The following LYPD6 variants were observed in gnomAD, a reference collection of about 807,000 sequenced individuals.
LYPD6 encodes the protein ly6/PLAUR domain-containing protein 6.
In LYPD6, 15 loss-of-function variants were observed where a neutral mutation model predicts 22.7. The ratio of observed to expected loss-of-function variants is 0.66; its 90% CI spans 0.44 to 1.02. LYPD6 has a LOEUF of 1.02. Among genes scored for constraint, LYPD6 ranks in the 50% least tolerant of loss-of-function variants. The pLI, the probability that LYPD6 is intolerant of heterozygous loss-of-function variation, is 0.00. For synonymous variants in LYPD6, 72 were observed against 77.5 expected (o/e 0.93, Z 0.37); for missense variants, 189 against 208.4 (o/e 0.91, Z 0.57).
intron 1 of LYPD6, among the ~76,000 whole-genome samples, chr2:149,331,321 CT>C (rs1173661717): frequency 6.6e-6 from 1 of 152,236 alleles, no homozygotes; most frequent in Non-Finnish European, 1.5e-5. Flanking sequence ...CTGGGCTTGA[CT>C]TGGCGACCTG....
chr2:149,381,914 A>G (rs547913350), intron 1 of LYPD6, among the ~76,000 whole-genome samples: 2 of 152,292 alleles, frequency 1.3e-5, no homozygotes, highest in East Asian at 3.9e-4. Context: ...TTAATTCGTG[A>G]TGATTTCCAG....
intron 2 of LYPD6, among the ~76,000 whole-genome samples, chr2:149,441,580 A>T (rs1373085537): frequency 6.6e-6 from 1 of 152,224 alleles, no homozygotes; most frequent in Non-Finnish European, 1.5e-5. Flanking sequence ...TGGCTTTCAA[A>T]CCTGAAGCAC....
chr2:149,469,408 C>G (rs544305380), intron 4 of LYPD6, among the ~76,000 whole-genome samples: 2 of 152,254 alleles, frequency 1.3e-5, no homozygotes, highest in East Asian at 3.9e-4. Flanking sequence ...CAGCCTTGCC[C>G]TCTATACGTG....
chr2:149,403,912 A>C (rs1682625877), intron 1 of LYPD6, among the ~76,000 whole-genome samples: 1 of 152,140 alleles, frequency 6.6e-6, no homozygotes, highest in Non-Finnish European at 1.5e-5. Context: ...TTTTTGTATA[A>C]AGTGTAAGGA....
chr2:149,408,763 G>A (rs946753642), intron 1 of LYPD6, among the ~76,000 whole-genome samples: 3 of 152,088 alleles, frequency 2.0e-5, no homozygotes, highest in Admixed American at 2.0e-4. Flanking sequence ...AGGTGTGATT[G>A]TTTTTTATTT....
intron 3 of LYPD6, among the ~76,000 whole-genome samples, chr2:149,457,487 A>G (rs901530599): frequency 1.3e-5 from 2 of 152,210 alleles, no homozygotes; most frequent in African/African-American, 4.8e-5. Context: ...TCTCAAGATT[A>G]TAATGTATAA....
intron 1 of LYPD6, among the ~76,000 whole-genome samples, chr2:149,360,848 C>G (rs778989547): frequency 7.2e-5 from 11 of 152,136 alleles, no homozygotes; most frequent in Non-Finnish European, 1.6e-4. Flanking sequence ...TTTTCTACTC[C>G]CTTTATCTGC....
At chr2:149,345,472 ATT>A (rs60780602) in intron 1 of LYPD6, among the ~76,000 whole-genome samples, 4 of 133,746 alleles carry the variant, frequency 3.0e-5, no homozygotes, top group Admixed American at 7.4e-5. Context: ...ACACCTGGCT[ATT>A]TTTTTTTTTT....
chr2:149,441,006 A>G (rs962763349), intron 2 of LYPD6, among the ~76,000 whole-genome samples: 6 of 151,944 alleles, frequency 3.9e-5, no homozygotes, highest in Non-Finnish European at 7.4e-5. Context: ...CGCCTGGCCT[A>G]TTCTGTCCAC....
intron 1 of LYPD6, among the ~76,000 whole-genome samples, chr2:149,384,728 TTTATTTTA>T (rs1391719459): frequency 6.6e-6 from 1 of 152,188 alleles, no homozygotes; most frequent in African/African-American, 2.4e-5. Flanking sequence ...TTTTTATTTT[TTTATTTTA>T]TTATTATTAT....
intron 1 of LYPD6, among the ~76,000 whole-genome samples, chr2:149,353,392 C>T (rs1433286243): frequency 1.3e-5 from 2 of 152,120 alleles, no homozygotes; most frequent in Non-Finnish European, 2.9e-5. Context: ...ATGCACATTA[C>T]TATTCATGCC....
intron 1 of LYPD6, among the ~76,000 whole-genome samples, chr2:149,408,604 T>C (rs1288963269): frequency 2.6e-5 from 4 of 152,212 alleles, no homozygotes; most frequent in Non-Finnish European, 4.4e-5. Context: ...TTTTCATTTT[T>C]TAAAATTTTT....
chr2:149,365,931 A>G (rs1266035927), intron 1 of LYPD6, among the ~76,000 whole-genome samples: 1 of 152,194 alleles, frequency 6.6e-6, no homozygotes. Context: ...CAGGGCAGAG[A>G]GGAGAGCTGT....
chr2:149,399,830 C>T (rs914034949), intron 1 of LYPD6, among the ~76,000 whole-genome samples: 5 of 151,930 alleles, frequency 3.3e-5, no homozygotes, highest in Admixed American at 3.3e-4. Flanking sequence ...GAACAGAATC[C>T]TTCATAATAA....
chr2:149,421,146 A>C (rs1355726044), intron 1 of LYPD6, among the ~76,000 whole-genome samples: 1 of 152,114 alleles, frequency 6.6e-6, no homozygotes, highest in Non-Finnish European at 1.5e-5. Context: ...CTTTAATCCC[A>C]GCACTTTGGG....
intron 1 of LYPD6, among the ~76,000 whole-genome samples, chr2:149,374,362 G>A (rs1466841899): frequency 6.6e-6 from 1 of 152,212 alleles, no homozygotes; most frequent in African/African-American, 2.4e-5. Context: ...TCAACTCAAT[G>A]TTTAGTCGAG....
chr2:149,366,754 A>G (rs1288101865), intron 1 of LYPD6, among the ~76,000 whole-genome samples: 1 of 152,196 alleles, frequency 6.6e-6, no homozygotes, highest in Admixed American at 6.5e-5. Flanking sequence ...AATAAAAGTA[A>G]ATGAACCATG....
chr2:149,460,964 A>G (rs1055269192), intron 3 of LYPD6, among the ~76,000 whole-genome samples: 4 of 152,078 alleles, frequency 2.6e-5, no homozygotes, highest in Non-Finnish European at 5.9e-5. Flanking sequence ...AATTTGTAGG[A>G]CACAGCAAAA....
chr2:149,360,664 T>C (rs577588716), intron 1 of LYPD6, among the ~76,000 whole-genome samples: 31 of 152,076 alleles, frequency 2.0e-4, no homozygotes, highest in Non-Finnish European at 3.7e-4. Context: ...GGGTTCTGCC[T>C]TCTGCAGTCC....
Sources: allele counts gnomAD v4.1 joint callset (sites outside exome capture counted in the v4.1 genomes callset), GRCh38; gene constraint gnomAD v4.1.1; transcripts MANE v1.5; gene names NCBI Gene and HGNC (gene_info 2026-07-23, HGNC 2026-07-21).